VAPA: variants seen among roughly 807,000 people sequenced by gnomAD.
VAPA encodes VAMP associated protein A, also known as vesicle-associated membrane protein-associated protein A.
In VAPA, 6 loss-of-function variants were observed where a neutral mutation model predicts 25.6. That is an observed-to-expected ratio of 0.23 (90% confidence interval 0.13 to 0.46). The LOEUF is 0.46. VAPA is among the 20% of genes least tolerant of loss of function. The pLI is 0.99. For missense variants in VAPA, 244 were observed against 302.1 expected (o/e 0.81, Z 1.43); for synonymous variants, 112 against 106.2 (o/e 1.05, Z -0.34).
At chr18:9,950,368 A>G in intron 4 of VAPA, 27 bp from the exon 5 acceptor site, 1 of 1,599,504 alleles carries the variant, frequency 6.3e-7, no homozygotes, top group Non-Finnish European at 8.5e-7. Flanking sequence ...GGTTAGTTAA[A>G]AAATTCCCAA....
At chr18:9,938,340 A>C (rs2069332060) in intron 4 of VAPA, among the ~76,000 whole-genome samples, 1 of 152,246 alleles carries the variant, frequency 6.6e-6, no homozygotes, top group Non-Finnish European at 1.5e-5. Flanking sequence ...TTGGAACCCC[A>C]GGTATTTGAT....
intron 5 of VAPA, among the ~76,000 whole-genome samples, chr18:9,953,827 T>C (rs1249623906): frequency 6.6e-6 from 1 of 152,228 alleles, no homozygotes; most frequent in Non-Finnish European, 1.5e-5. Context: ...ACTGTGAGTG[T>C]ACAATTCATT....
At chr18:9,936,910 A>T in intron 3 of VAPA, 76 bp from the exon 4 acceptor site, 1 of 1,280,078 alleles carries the variant, frequency 7.8e-7, no homozygotes, top group Non-Finnish European at 1.1e-6. Context: ...CTCATCTTTT[A>T]GCTGTCCCGT....
At chr18:9,921,159 T>A (rs1446512584) in intron 1 of VAPA, among the ~76,000 whole-genome samples, 1 of 152,240 alleles carries the variant, frequency 6.6e-6, no homozygotes, top group Non-Finnish European at 1.5e-5. Context: ...CTCAGATGAT[T>A]TCTCCAGTAA....
chr18:9,941,647 T>C (rs534723867), intron 4 of VAPA, among the ~76,000 whole-genome samples: 1 of 152,300 alleles, frequency 6.6e-6, no homozygotes, highest in Non-Finnish European at 1.5e-5. Context: ...TTCTAGTATC[T>C]GTAGATAAAA....
Position 9,954,288 on chromosome 18 carries a change from T to C in VAPA, c.*77T>C. On this transcript the variant is annotated 3_prime_UTR_variant, in exon 6 of 6. Coordinates refer to ENST00000400000, the MANE Select transcript of VAPA (RefSeq NM_194434.3). ...AAAGATTTGTTTACCTACCATTTCATTGGTAGTATGGCCCACGGTGACCAT... is the reference window on the plus strand; with the variant it reads ...AAAGATTTGTTTACCTACCATTTCACTGGTAGTATGGCCCACGGTGACCAT... The C allele has an allele frequency of 7.4e-7, 1 of 1,348,332 alleles. No individual in the cohort carries two copies. Among genetic ancestry groups the C allele is most frequent in the South Asian group, 1.3e-5 (1 of 74,548 alleles). 83.5% of individuals were successfully genotyped at this position (1,348,332 alleles called of 1,614,324 possible).
chr18:9,956,048 A>G lies in VAPA; in HGVS notation c.*1837A>G, dbSNP rs1038269858. ...ATACCAAGTTTGGTATCTCATAGCTATCTTTTTTTAAAGAAATTAAGTTCT... is the reference window on the plus strand; with the variant it reads ...ATACCAAGTTTGGTATCTCATAGCTGTCTTTTTTTAAAGAAATTAAGTTCT... On this transcript the variant is annotated 3_prime_UTR_variant, in exon 6 of 6. Coordinates refer to ENST00000400000, the MANE Select transcript of VAPA (RefSeq NM_194434.3). The G allele has an allele frequency of 1.3e-5, 2 of 152,178 alleles. No homozygotes were observed. Among genetic ancestry groups the G allele is most frequent in the Non-Finnish European group, 2.9e-5 (2 of 68,030 alleles). 9.4% of individuals were successfully genotyped at this position (152,178 alleles called of 1,614,324 possible).
Position 9,957,777 on chromosome 18 carries a change from A to T in VAPA, c.*3566A>T, listed in dbSNP as rs1567906327. ...CATTTATATCCTGTTAAGCATTAAT[A>T]GCTAATCACTGGGACTTGAATTCTG... is the stretch of plus-strand genomic sequence containing the variant. On this transcript the variant is annotated 3_prime_UTR_variant, in exon 6 of 6. Coordinates refer to ENST00000400000, the MANE Select transcript of VAPA (RefSeq NM_194434.3). 3 of 152,256 alleles carry T rather than the reference A, an allele frequency of 2.0e-5. No individual in the cohort carries two copies. Among genetic ancestry groups the T allele is most frequent in the Admixed American group, 6.5e-5 (1 of 15,288 alleles). 9.4% of individuals were successfully genotyped at this position (152,256 alleles called of 1,614,324 possible). A position where few individuals can be genotyped will look rare whatever the true frequency, so the allele number is the denominator to read the frequency against.
chr18:9,956,330 A>G lies in VAPA; in HGVS notation c.*2119A>G, dbSNP rs1033682329. 3 of 152,236 alleles carry G rather than the reference A, an allele frequency of 2.0e-5. No individual in the cohort carries two copies. Among genetic ancestry groups the G allele is most frequent in the Non-Finnish European group, 4.4e-5 (3 of 68,040 alleles). 9.4% of individuals were successfully genotyped at this position (152,236 alleles called of 1,614,324 possible). A position where few individuals can be genotyped will look rare whatever the true frequency, so the allele number is the denominator to read the frequency against. ...TAATGAACATAAAATGCTATTTATA[A>G]TAACAAGTATATGTGAAATTTCTTA... On this transcript the variant is annotated 3_prime_UTR_variant, in exon 6 of 6. Coordinates refer to ENST00000400000, the MANE Select transcript of VAPA (RefSeq NM_194434.3).
At chr18:9,917,370 A>T (rs2069120484) in intron 1 of VAPA, among the ~76,000 whole-genome samples, 1 of 152,056 alleles carries the variant, frequency 6.6e-6, no homozygotes, top group Non-Finnish European at 1.5e-5. Context: ...GGCTCATTGC[A>T]GTCTCTGCCT....
chr18:9,919,865 A>G (rs2143285780), intron 1 of VAPA, among the ~76,000 whole-genome samples: 1 of 152,318 alleles, frequency 6.6e-6, no homozygotes, highest in South Asian at 2.1e-4. Flanking sequence ...GTAAAATTAT[A>G]CTAGAGGGGA....
rs2069541454 is a variant in VAPA at position 9,955,704 on chromosome 18, T to A, written c.*1493T>A. On this transcript the variant is annotated 3_prime_UTR_variant, in exon 6 of 6. Coordinates refer to ENST00000400000, the MANE Select transcript of VAPA (RefSeq NM_194434.3). ...CTGAAGTATTTTGGTTGCCTTTTCA[T>A]TTCAACTGTGTTTTGAATTTGTCAG... 6.6e-6 allele frequency: 1 copy of A among 152,236 alleles called. No homozygotes were observed. The highest frequency in any genetic ancestry group is 2.1e-4 in the South Asian group (1 of 4,834). 9.4% of individuals were successfully genotyped at this position (152,236 alleles called of 1,614,324 possible). A position where few individuals can be genotyped will look rare whatever the true frequency, so the allele number is the denominator to read the frequency against.
Position 9,954,366 on chromosome 18 carries a change from TTA to T in VAPA, c.*156_*157del, listed in dbSNP as rs1293901169. The T allele has an allele frequency of 1.2e-5, 8 of 644,600 alleles. No homozygotes were observed. Among genetic ancestry groups the T allele is most frequent in the Non-Finnish European group, 2.1e-5 (8 of 381,696 alleles). The allele number at this position is 644,600 out of a possible 1,614,324, so 39.9% of individuals were successfully genotyped here. On this transcript the variant is annotated 3_prime_UTR_variant, in exon 6 of 6. Coordinates refer to ENST00000400000, the MANE Select transcript of VAPA (RefSeq NM_194434.3). ...CTTTGCCTTTAATGATCTCTTACGG[TTA>T]GAAAACACAATAAAAACAAACTGTT...
intron 4 of VAPA, chr18:9,949,911 G>A (rs2069469826): frequency 6.5e-6 from 1 of 153,550 alleles, no homozygotes; most frequent in African/African-American, 2.4e-5. Flanking sequence ...AGCTTTTCTT[G>A]GGCATGTTTT....
Position 9,944,019 on chromosome 18 carries a change from G to A in VAPA, c.418-6376G>A, listed in dbSNP as rs186653514. Among the ~76,000 whole-genome samples, 13 of 151,628 alleles carry A rather than the reference G, an allele frequency of 8.6e-5. No homozygotes were observed. The East Asian group carries it at 2.1e-3, about 25-fold the overall frequency. On this transcript the variant is annotated intron_variant, in intron 4 of 5. Transcript: ENST00000400000. Reference sequence around the variant, plus strand: ...TGGGACTACAGGTGCCCGCCACCACGCCTGGCTAATTTTTTGTATTTTTAG... The same window carrying A: ...TGGGACTACAGGTGCCCGCCACCACACCTGGCTAATTTTTTGTATTTTTAG...
chr18:9,936,954 T>A, intron 3 of VAPA, 32 bp from the exon 4 acceptor site: 1 of 1,585,508 alleles, frequency 6.3e-7, no homozygotes, highest in Non-Finnish European at 8.7e-7. Flanking sequence ...TCATACCTCC[T>A]ATGTCTCATG....
At chr18:9,926,808 T>C (rs1173591893) in intron 1 of VAPA, among the ~76,000 whole-genome samples, 1 of 152,124 alleles carries the variant, frequency 6.6e-6, no homozygotes, top group Admixed American at 6.6e-5. Flanking sequence ...TGTTGTCTTC[T>C]AAGACAGTTC....
In VAPA at chr18:9,954,048, TC is replaced by T. The variant is rs1567904183; in HGVS notation, c.592-4del. 1 of 1,613,246 alleles carries T rather than the reference TC, an allele frequency of 6.2e-7. No individual in the cohort carries two copies. Among genetic ancestry groups the T allele is most frequent in the Admixed American group, 1.7e-5 (1 of 59,736 alleles). ...AAACCTTTTGTGTGTGTGTTTTTTT[TC>T]TAGGATGAAGGTTTAAGGCTCAGAA... On this transcript the variant is annotated splice_polypyrimidine_tract_variant and splice_region_variant and intron_variant, in intron 5 of 5. Transcript: ENST00000400000.
intron 4 of VAPA, among the ~76,000 whole-genome samples, chr18:9,937,768 A>G (rs1205353326): frequency 6.6e-6 from 1 of 152,130 alleles, no homozygotes; most frequent in Non-Finnish European, 1.5e-5. Context: ...GACTTAATAC[A>G]TACAATAATA....
Sources: gnomAD v4.1 joint callset for allele counts (sites outside exome capture counted in the v4.1 genomes callset) on GRCh38, gnomAD v4.1.1 for gene constraint, MANE v1.5 for transcripts, NCBI Gene and HGNC (gene_info 2026-07-23, HGNC 2026-07-21) for gene names.